GNAT3: variants seen among roughly 807,000 people sequenced by gnomAD.
The protein encoded by GNAT3 is G protein subunit alpha transducin 3, also known as guanine nucleotide-binding protein G(t) subunit alpha-3.
GNAT3 carries 31 observed loss-of-function variants against 37.7 expected under a neutral mutation model. The observed-to-expected ratio is 0.82, with a 90% CI of 0.62 to 1.11. The LOEUF (loss-of-function observed/expected upper bound fraction) is 1.11. GNAT3 is among the 50% of genes most tolerant of loss of function. The probability of loss-of-function intolerance (pLI) is 0.00; values close to 1 mark genes in which losing one functional copy is unlikely to be tolerated. For synonymous variants in GNAT3, 138 were observed against 139.8 expected, an observed-to-expected ratio of 0.99 and a Z score of 0.09; for missense variants, 437 against 412.5, an observed-to-expected ratio of 1.06 and a Z score of -0.51.
intron 1 of GNAT3, among the ~76,000 whole-genome samples, chr7:80,499,713 G>A (rs1055695313): frequency 6.6e-6 from 1 of 152,090 alleles, no homozygotes; most frequent in Non-Finnish European, 1.5e-5. Context: ...AAAATTCTCT[G>A]TCCTTTGCAC....
intron 3 of GNAT3, among the ~76,000 whole-genome samples, chr7:80,486,783 A>G (rs1399591169): frequency 6.6e-6 from 1 of 151,874 alleles, no homozygotes; most frequent in Non-Finnish European, 1.5e-5. Flanking sequence ...TCAAATATCA[A>G]GTATTTAGTG....
chr7:80,467,271 C>T (rs1214725188), intron 5 of GNAT3, among the ~76,000 whole-genome samples: 1 of 152,112 alleles, frequency 6.6e-6, no homozygotes. Flanking sequence ...GAAAGTCTCT[C>T]TTAGGTTGAA....
intron 5 of GNAT3, among the ~76,000 whole-genome samples, chr7:80,466,150 C>T (rs1025507751): frequency 1.3e-5 from 2 of 152,070 alleles, no homozygotes; most frequent in African/African-American, 4.8e-5. Flanking sequence ...GGAGCCAAGA[C>T]AAAGAGTAAT....
At chr7:80,509,665 G>A (rs1276282617) in intron 1 of GNAT3, among the ~76,000 whole-genome samples, 1 of 152,036 alleles carries the variant, frequency 6.6e-6, no homozygotes, top group Admixed American at 6.6e-5. Flanking sequence ...GCTCTGTGGA[G>A]TGGTAAAATT....
intron 5 of GNAT3, among the ~76,000 whole-genome samples, chr7:80,471,759 C>T (rs529355143): frequency 6.6e-6 from 1 of 152,154 alleles, no homozygotes; most frequent in East Asian, 1.9e-4. Context: ...ATTTTAATTC[C>T]ATCTCTAGCA....
chr7:80,488,604 C>T lies in GNAT3; in HGVS notation c.234G>A (p.Leu78=). The T allele has an allele frequency of 1.3e-6, 2 of 1,594,538 alleles. No homozygotes were observed. Among genetic ancestry groups the T allele is most frequent in the South Asian group, 1.1e-5 (1 of 88,390 alleles). Residue 78 remains leucine, a synonymous_variant, in exon 3 of 8, where the codon TTG becomes TTA. Transcript: ENST00000398291. ...EFKAVIYSNT[L]QSILAIVKAM... ...CTTTCACAATAGCTAGGATGGATTG[C>T]AATGTATTACTGTAAATTACTGCTT...
chr7:80,483,118 A>AC (rs1206047246), intron 3 of GNAT3, among the ~76,000 whole-genome samples: 1 of 152,118 alleles, frequency 6.6e-6, no homozygotes, highest in African/African-American at 2.4e-5. Context: ...TGATAGCAGA[A>AC]CTGCAACCCA....
At chr7:80,486,485 G>T (rs1790483668) in intron 3 of GNAT3, 1 of 147,398 alleles carries the variant, frequency 6.8e-6, no homozygotes, top group African/African-American at 2.5e-5. Flanking sequence ...TTGCTCTGTT[G>T]CCCAGGCTGG....
chr7:80,471,873 A>T (rs1007179608), intron 5 of GNAT3, among the ~76,000 whole-genome samples: 13 of 152,074 alleles, frequency 8.5e-5, no homozygotes, highest in Non-Finnish European at 1.9e-4. Context: ...TATCCTGAGT[A>T]TCGATAGCAA....
At chr7:80,473,439 A>G (rs1230009774) in intron 5 of GNAT3, among the ~76,000 whole-genome samples, 1 of 152,162 alleles carries the variant, frequency 6.6e-6, no homozygotes, top group Non-Finnish European at 1.5e-5. Flanking sequence ...GGATATGAAT[A>G]ATTCATGCCA....
At chr7:80,509,558 C>G (rs906536133) in intron 1 of GNAT3, among the ~76,000 whole-genome samples, 1 of 152,046 alleles carries the variant, frequency 6.6e-6, no homozygotes, top group East Asian at 1.9e-4. Context: ...ATTGCTCTTT[C>G]TTCTTGATCT....
intron 4 of GNAT3, among the ~76,000 whole-genome samples, chr7:80,478,615 G>A (rs1235696747): frequency 6.6e-6 from 1 of 152,066 alleles, no homozygotes; most frequent in Non-Finnish European, 1.5e-5. Flanking sequence ...TTCTCAGGCA[G>A]TTTCAAACTT....
At position 80,479,013 on chromosome 7, in the gene GNAT3, T is replaced by C; in HGVS notation, c.304-15A>G. On this transcript the variant is annotated splice_polypyrimidine_tract_variant and intron_variant, in intron 3 of 7. Coordinates refer to ENST00000398291, the MANE Select transcript of GNAT3 (RefSeq NM_001102386.3). ...CGTTGGTCCTCCTAGAACAATATTT[T>C]GGTGAGAATAAGTATGTATTATTTG... is the stretch of plus-strand genomic sequence containing the variant. 6.4e-7 allele frequency: 1 copy of C among 1,569,254 alleles called. No homozygotes were observed. Among genetic ancestry groups the C allele is most frequent in the East Asian group, 2.3e-5 (1 of 44,136 alleles).
At chr7:80,497,600 A>ATATACGTATATG (rs1562732868) in intron 1 of GNAT3, among the ~76,000 whole-genome samples, 3 of 98,564 alleles carry the variant, frequency 3.0e-5, no homozygotes, top group Non-Finnish European at 4.2e-5. Flanking sequence ...ATACGTATAT[A>ATATACGTATATG]CATATACGTA....
chr7:80,506,548 A>G (rs1439249692), intron 1 of GNAT3, among the ~76,000 whole-genome samples: 6 of 152,174 alleles, frequency 3.9e-5, no homozygotes, highest in Non-Finnish European at 7.4e-5. Flanking sequence ...CTTTTCTGAA[A>G]ACTGTAAATA....
Position 80,482,481 on chromosome 7 carries a change from T to G in GNAT3, c.304-3483A>C, listed in dbSNP as rs117151506. Reference sequence around the variant, plus strand: ...TTTCTTTCTTATTTTCTTTTTCTTTTTTCTTTCTTTTTCTTTTTTGTTTTT... The same window carrying G: ...TTTCTTTCTTATTTTCTTTTTCTTTGTTCTTTCTTTTTCTTTTTTGTTTTT... On this transcript the variant is annotated intron_variant, in intron 3 of 7. Coordinates refer to ENST00000398291, the MANE Select transcript of GNAT3 (RefSeq NM_001102386.3). 1.4e-3 allele frequency among the ~76,000 whole-genome samples: 219 copies of G among 151,988 alleles called. 3 individuals are homozygous for G. In the East Asian group the frequency reaches 0.038, roughly 26 times the overall value.
At chr7:80,497,596 A>C (rs1790748832) in intron 1 of GNAT3, among the ~76,000 whole-genome samples, 3 of 121,944 alleles carry the variant, frequency 2.5e-5, no homozygotes, top group African/African-American at 1.2e-4. Flanking sequence ...ACATATACGT[A>C]TATACATATA....
At chr7:80,510,846 G>T (rs906883681) in intron 1 of GNAT3, among the ~76,000 whole-genome samples, 6 of 152,092 alleles carry the variant, frequency 3.9e-5, no homozygotes, top group Non-Finnish European at 8.8e-5. Flanking sequence ...TTAATATTAA[G>T]TATTTAAGTG....
chr7:80,468,616 C>T (rs112537251), intron 5 of GNAT3, among the ~76,000 whole-genome samples: 7 of 152,072 alleles, frequency 4.6e-5, no homozygotes, highest in Admixed American at 1.3e-4. Context: ...CTTCACTACA[C>T]ACCCATAGCA....
Sources: allele counts gnomAD v4.1 joint callset (sites outside exome capture counted in the v4.1 genomes callset), GRCh38; gene constraint gnomAD v4.1.1; transcripts MANE v1.5; gene names NCBI Gene and HGNC (gene_info 2026-07-23, HGNC 2026-07-21).